The following SCD5 variants were observed in gnomAD, a reference collection of about 807,000 sequenced individuals.
SCD5 encodes stearoyl-CoA desaturase 5.
Under a neutral mutation model 30.4 loss-of-function variants are expected in SCD5, and 20 were observed. The ratio of observed to expected loss-of-function variants is 0.66; its 90% CI spans 0.46 to 0.96. The LOEUF is 0.96. SCD5 is among the 40% of genes least tolerant of loss of function. The probability of loss-of-function intolerance (pLI) is 0.00; values close to 1 mark genes in which losing one functional copy is unlikely to be tolerated. For synonymous variants in SCD5, 173 were observed against 176.4 expected (o/e 0.98, Z 0.16); for missense variants, 381 against 443.3 (o/e 0.86, Z 1.26).
At position 82,730,517 on chromosome 4, in the gene SCD5, T is replaced by C. The variant is rs571415755; in HGVS notation, c.233-25104A>G. On this transcript the variant is annotated intron_variant, in intron 1 of 4. Coordinates refer to ENST00000319540, the MANE Select transcript of SCD5 (RefSeq NM_001037582.3). ...TTCACCGTGTTAGCCAAGATGGTCTTGATCTCCTGACATCATGATCCGCCC... is the reference window on the plus strand; with the variant it reads ...TTCACCGTGTTAGCCAAGATGGTCTCGATCTCCTGACATCATGATCCGCCC... 3.1e-4 allele frequency among the ~76,000 whole-genome samples: 46 copies of C among 150,320 alleles called. 1 individual carries two copies. Among genetic ancestry groups the C allele is most frequent in the East Asian group, 1.4e-3 (7 of 5,154 alleles).
chr4:82,723,551 G>A (rs1720413493), intron 1 of SCD5, among the ~76,000 whole-genome samples: 2 of 152,086 alleles, frequency 1.3e-5, no homozygotes. Context: ...CTGATTATTT[G>A]CTTTCTGATA....
intron 3 of SCD5, among the ~76,000 whole-genome samples, chr4:82,644,925 T>C (rs1727608762): frequency 6.6e-6 from 1 of 152,168 alleles, no homozygotes; most frequent in Admixed American, 6.5e-5. Flanking sequence ...CTCTAACAGG[T>C]TCGGTCTTGG....
chr4:82,650,715 G>C (rs1727734348), intron 3 of SCD5, among the ~76,000 whole-genome samples: 1 of 151,984 alleles, frequency 6.6e-6, no homozygotes, highest in Non-Finnish European at 1.5e-5. Flanking sequence ...AAATTATTGA[G>C]AATGCCAAAG....
chr4:82,646,989 A>G (rs919010575), intron 3 of SCD5, among the ~76,000 whole-genome samples: 5 of 152,034 alleles, frequency 3.3e-5, no homozygotes, highest in Admixed American at 3.3e-4. Flanking sequence ...TGCCCAGTTA[A>G]TTTTTTTGTA....
intron 3 of SCD5, among the ~76,000 whole-genome samples, chr4:82,644,400 G>C (rs527242482): frequency 1.3e-5 from 2 of 152,294 alleles, no homozygotes; most frequent in South Asian, 4.1e-4. Flanking sequence ...CAGCTTCTAA[G>C]GTAACCAGAA....
chr4:82,731,022 C>A (rs1469113146), intron 1 of SCD5, among the ~76,000 whole-genome samples: 2 of 152,170 alleles, frequency 1.3e-5, no homozygotes, highest in African/African-American at 4.8e-5. Flanking sequence ...AACCCCCAGA[C>A]CCATCAACAA....
At chr4:82,679,454 C>G (rs1728521899) in intron 3 of SCD5, among the ~76,000 whole-genome samples, 1 of 152,082 alleles carries the variant, frequency 6.6e-6, no homozygotes, top group Non-Finnish European at 1.5e-5. Context: ...GTGATGGAAA[C>G]AGAGAATTCT....
intron 1 of SCD5, among the ~76,000 whole-genome samples, chr4:82,797,223 G>A (rs1722244618): frequency 6.6e-6 from 1 of 152,172 alleles, no homozygotes; most frequent in East Asian, 1.9e-4. Context: ...TTCCCCTCTG[G>A]AAATAAAAGT....
At chr4:82,672,952 AT>A (rs1451551419) in intron 3 of SCD5, among the ~76,000 whole-genome samples, 1 of 152,146 alleles carries the variant, frequency 6.6e-6, no homozygotes, top group Non-Finnish European at 1.5e-5. Flanking sequence ...TCACATGACC[AT>A]ATCAATAGAT....
intron 2 of SCD5, among the ~76,000 whole-genome samples, chr4:82,702,088 G>A (rs1423783540): frequency 6.8e-6 from 1 of 146,664 alleles, no homozygotes; most frequent in Non-Finnish European, 1.5e-5. Context: ...GGGGACAGAG[G>A]ATTTTATAGC....
At chr4:82,652,152 T>A (rs1340035983) in intron 3 of SCD5, among the ~76,000 whole-genome samples, 1 of 152,048 alleles carries the variant, frequency 6.6e-6, no homozygotes. Flanking sequence ...TGTCACGAAA[T>A]AGCCTGAAGT....
chr4:82,757,538 C>T (rs548453553), intron 1 of SCD5, among the ~76,000 whole-genome samples: 1 of 152,232 alleles, frequency 6.6e-6, no homozygotes, highest in African/African-American at 2.4e-5. Flanking sequence ...GGGAATTATA[C>T]TGCCTGAAGC....
At chr4:82,782,894 C>T (rs1489669360) in intron 1 of SCD5, among the ~76,000 whole-genome samples, 1 of 152,196 alleles carries the variant, frequency 6.6e-6, no homozygotes, top group East Asian at 1.9e-4. Flanking sequence ...TTCAGTCACT[C>T]TAAGGAGAGC....
At chr4:82,691,014 GTTTGTTTGT>G (rs1424953237) in intron 2 of SCD5, among the ~76,000 whole-genome samples, 11 of 138,142 alleles carry the variant, frequency 8.0e-5, no homozygotes, top group Non-Finnish European at 1.1e-4. Flanking sequence ...TTGTTTTTTT[GTTTGTTTGT>G]TTTGTTTTGT....
At chr4:82,696,886 C>T (rs979778823) in intron 2 of SCD5, among the ~76,000 whole-genome samples, 1 of 152,150 alleles carries the variant, frequency 6.6e-6, no homozygotes, top group African/African-American at 2.4e-5. Flanking sequence ...TCTTCAATGT[C>T]CATAAACATT....
At chr4:82,798,003 C>T (rs1722263526) in intron 1 of SCD5, among the ~76,000 whole-genome samples, 1 of 151,682 alleles carries the variant, frequency 6.6e-6, no homozygotes, top group African/African-American at 2.4e-5. Context: ...AGCGGTGGCA[C>T]CGCAGGACTC....
intron 1 of SCD5, among the ~76,000 whole-genome samples, chr4:82,762,974 C>A (rs778109681): frequency 7.2e-5 from 11 of 152,160 alleles, no homozygotes; most frequent in Admixed American, 6.5e-4. Flanking sequence ...CCTTCCTGGT[C>A]CCCCTCTGTA....
chr4:82,798,080 T>TGGGGCGGGGGGGGGGGGGGGGGG (rs1436762424), intron 1 of SCD5, among the ~76,000 whole-genome samples: 1 of 25,814 alleles, frequency 3.9e-5, no homozygotes, highest in African/African-American at 1.0e-4. Context: ...CGCGGCGGGG[T>TGGGGCGGGGGGGGGGGGGGGGGG]GGGGGCGGGG....
At chr4:82,685,660 C>T (rs1560533562) in intron 2 of SCD5, among the ~76,000 whole-genome samples, 1 of 151,288 alleles carries the variant, frequency 6.6e-6, no homozygotes, top group African/African-American at 2.4e-5. Flanking sequence ...TTGCAGTGAG[C>T]GAGATCACAC....
Sources: gnomAD v4.1 joint callset for allele counts (sites outside exome capture counted in the v4.1 genomes callset) on GRCh38, gnomAD v4.1.1 for gene constraint, MANE v1.5 for transcripts, NCBI Gene and HGNC (gene_info 2026-07-23, HGNC 2026-07-21) for gene names.